Variants in NELL2 observed in about 807,000 individuals in gnomAD.
The protein encoded by NELL2 is protein kinase C-binding protein NELL2.
NELL2 carries 41 observed loss-of-function variants against 109.6 expected under a neutral mutation model. That is an observed-to-expected ratio of 0.37 (90% confidence interval 0.29 to 0.49). NELL2 has a LOEUF of 0.49. NELL2 is among the 20% of genes least tolerant of loss of function. The pLI, the probability that NELL2 is intolerant of heterozygous loss-of-function variation, is 0.98. For synonymous variants in NELL2, 355 were observed against 344.7 expected (o/e 1.03, Z -0.33); for missense variants, 900 against 1,008.3 (o/e 0.89, Z 1.45).
Position 44,801,871 on chromosome 12 carries a change from C to T in NELL2, c.335+14115G>A, listed in dbSNP as rs566407649. ...GGCAAATATTTATTAGCCATCTATA[C>T]GAGATGTGCTGCACCAGGCACAGAG... On this transcript the variant is annotated intron_variant, in intron 3 of 19. Coordinates refer to ENST00000429094, the MANE Select transcript of NELL2 (RefSeq NM_001145108.2). Among the ~76,000 whole-genome samples, 138 of 152,072 alleles carry T rather than the reference C, an allele frequency of 9.1e-4. No individual in the cohort carries two copies. In the South Asian group the frequency reaches 0.026, roughly 28 times the overall value.
In NELL2 at chr12:44,618,483, C is replaced by A. The variant is rs11182565; in HGVS notation, c.1445-7513G>T. ...CTTATAGTAATTTCATAAGCTAATCCAACTATTGATTTTATTGCTAAGACA... is the reference window on the plus strand; with the variant it reads ...CTTATAGTAATTTCATAAGCTAATCAAACTATTGATTTTATTGCTAAGACA... On this transcript the variant is annotated intron_variant, in intron 13 of 19. Coordinates refer to ENST00000429094, the MANE Select transcript of NELL2 (RefSeq NM_001145108.2). 1.2e-3 allele frequency among the ~76,000 whole-genome samples: 180 copies of A among 152,220 alleles called. 2 individuals are homozygous for A. In the East Asian group the frequency reaches 0.026, roughly 22 times the overall value.
chr12:44,792,242 G>A (rs1156780881), intron 3 of NELL2, among the ~76,000 whole-genome samples: 2 of 152,126 alleles, frequency 1.3e-5, no homozygotes, highest in African/African-American at 4.8e-5. Context: ...GAGAAAGCTG[G>A]CTTGAAGAAG....
At chr12:44,703,924 TTTTC>T (rs1334459712) in intron 11 of NELL2, 70 bp from the exon 12 acceptor site, 1 of 1,350,512 alleles carries the variant, frequency 7.4e-7, no homozygotes, top group African/African-American at 1.5e-5. Flanking sequence ...CTACTTAATA[TTTTC>T]TTTAATTTTG....
rs78726792 is a variant in NELL2 at position 44,816,759 on chromosome 12, C to A, written c.185-623G>T. 4.6e-5 allele frequency among the ~76,000 whole-genome samples: 7 copies of A among 152,282 alleles called. No homozygotes were observed. In the East Asian group the frequency reaches 1.4e-3, roughly 29 times the overall value. On this transcript the variant is annotated intron_variant, in intron 2 of 19. Coordinates refer to ENST00000429094, the MANE Select transcript of NELL2 (RefSeq NM_001145108.2). Reference sequence around the variant, plus strand: ...AATACGTAGAACTTAATTCCCATTTCCTCCCCAGTCTTAGAGAAAGCCTAG... The same window carrying A: ...AATACGTAGAACTTAATTCCCATTTACTCCCCAGTCTTAGAGAAAGCCTAG...
At chr12:44,602,860 A>T (rs2136240766) in intron 15 of NELL2, among the ~76,000 whole-genome samples, 1 of 152,306 alleles carries the variant, frequency 6.6e-6, no homozygotes, top group Non-Finnish European at 1.5e-5. Flanking sequence ...TGGCCATGCC[A>T]GGAAATGTAA....
chr12:44,708,883 C>T (rs1472839318), intron 11 of NELL2, among the ~76,000 whole-genome samples: 1 of 152,092 alleles, frequency 6.6e-6, no homozygotes, highest in Non-Finnish European at 1.5e-5. Flanking sequence ...TTTAAGTATG[C>T]TATGTAAACA....
At chr12:44,830,219 C>T (rs188795227) in intron 2 of NELL2, among the ~76,000 whole-genome samples, 7 of 152,228 alleles carry the variant, frequency 4.6e-5, no homozygotes, top group African/African-American at 1.4e-4. Flanking sequence ...ACTCCACAAG[C>T]AGATTCTAAC....
At chr12:44,582,593 G>A (rs1224231019) in intron 15 of NELL2, among the ~76,000 whole-genome samples, 1 of 152,038 alleles carries the variant, frequency 6.6e-6, no homozygotes, top group Non-Finnish European at 1.5e-5. Context: ...GGAAGTGGTG[G>A]CCGAAAGGTA....
chr12:44,828,454 A>G (rs1262688943), intron 2 of NELL2, among the ~76,000 whole-genome samples: 2 of 152,210 alleles, frequency 1.3e-5, no homozygotes, highest in Admixed American at 6.5e-5. Context: ...GCTAATTACA[A>G]TTTGATTCAA....
intron 9 of NELL2, among the ~76,000 whole-genome samples, chr12:44,740,261 A>G (rs946956269): frequency 1.3e-5 from 2 of 152,188 alleles, no homozygotes; most frequent in African/African-American, 4.8e-5. Flanking sequence ...TACGTACAGT[A>G]TATCAGATGA....
Position 44,711,278 on chromosome 12 carries a change from C to CA in NELL2, c.1189+13dup. 6.3e-7 allele frequency: 1 copy of CA among 1,598,732 alleles called. No individual in the cohort carries two copies. The highest frequency in any genetic ancestry group is 8.6e-7 in the Non-Finnish European group (1 of 1,166,700). Reference sequence around the variant, plus strand: ...ACTCTTGCACGTAAACCTTACTTTTCAAAAAAGTCTTACCTTTACAAACTT... The same window carrying CA: ...ACTCTTGCACGTAAACCTTACTTTTCAAAAAAAGTCTTACCTTTACAAACTT... On this transcript the variant is annotated intron_variant, in intron 11 of 19. Transcript: ENST00000429094.
chr12:44,665,335 A>G, intron 13 of NELL2, 149 bp downstream of exon 13: 1 of 621,280 alleles, frequency 1.6e-6, no homozygotes, highest in Admixed American at 3.4e-5. Context: ...GAACAGATTA[A>G]GAAATAACTA....
intron 3 of NELL2, among the ~76,000 whole-genome samples, chr12:44,789,601 C>T (rs975790663): frequency 1.3e-5 from 2 of 151,958 alleles, no homozygotes; most frequent in African/African-American, 2.4e-5. Flanking sequence ...AGTTCACCAG[C>T]AATGGATCCA....
chr12:44,729,563 T>C (rs199513284), intron 9 of NELL2, among the ~76,000 whole-genome samples: 3 of 65,926 alleles, frequency 4.6e-5, no homozygotes. Context: ...GCTGAATGAA[T>C]TAAAAAAAAA....
intron 9 of NELL2, among the ~76,000 whole-genome samples, chr12:44,769,392 GC>G (rs1167132259): frequency 6.6e-6 from 1 of 151,990 alleles, no homozygotes; most frequent in Non-Finnish European, 1.5e-5. Context: ...ACAAAATTAG[GC>G]CGCGGTACAA....
At chr12:44,653,227 G>A (rs1341944842) in intron 13 of NELL2, among the ~76,000 whole-genome samples, 1 of 152,090 alleles carries the variant, frequency 6.6e-6, no homozygotes, top group Non-Finnish European at 1.5e-5. Flanking sequence ...TACTTTACAT[G>A]TGTTTTTCTT....
At chr12:44,727,535 G>T (rs1939145641) in intron 9 of NELL2, among the ~76,000 whole-genome samples, 1 of 151,984 alleles carries the variant, frequency 6.6e-6, no homozygotes. Context: ...AGATGGAGAG[G>T]CAGAATGAGA....
intron 12 of NELL2, among the ~76,000 whole-genome samples, chr12:44,683,225 G>C (rs1948590191): frequency 6.6e-6 from 1 of 152,114 alleles, no homozygotes; most frequent in Non-Finnish European, 1.5e-5. Context: ...CTGTTTGCCT[G>C]TTATTGGTGT....
chr12:44,843,432 G>A lies in NELL2; in HGVS notation c.185-27296C>T, dbSNP rs142707022. Among the ~76,000 whole-genome samples the A allele has an allele frequency of 2.2e-3, 331 of 152,280 alleles. 2 individuals carry two copies. Among genetic ancestry groups the A allele is most frequent in the African/African-American group, 7.1e-3 (297 of 41,572 alleles). On this transcript the variant is annotated intron_variant, in intron 2 of 19. Coordinates refer to ENST00000429094, the MANE Select transcript of NELL2 (RefSeq NM_001145108.2). ...AAATGTGGAACAACTGGAACTTTGAGAAATTGCTGGCAGGATTATAAAATG... is the reference window on the plus strand; with the variant it reads ...AAATGTGGAACAACTGGAACTTTGAAAAATTGCTGGCAGGATTATAAAATG...
Sources: allele counts gnomAD v4.1 joint callset (sites outside exome capture counted in the v4.1 genomes callset), GRCh38; gene constraint gnomAD v4.1.1; transcripts MANE v1.5; gene names NCBI Gene and HGNC (gene_info 2026-07-23, HGNC 2026-07-21).